Variants in FBXL18 observed in about 807,000 individuals in gnomAD.
The protein encoded by FBXL18 is F-box and leucine rich repeat protein 18, also known as F-box/LRR-repeat protein 18.
A neutral mutation model predicts 46.0 loss-of-function variants in FBXL18; 36 were observed. The ratio of observed to expected loss-of-function variants is 0.78; its 90% CI spans 0.60 to 1.03. FBXL18 has a LOEUF of 1.03. FBXL18 is among the 50% of genes least tolerant of loss of function. The pLI, the probability that FBXL18 is intolerant of heterozygous loss-of-function variation, is 0.00. For missense variants in FBXL18, 977 were observed against 1,004.1 expected, an observed-to-expected ratio of 0.97 and a Z score of 0.36; for synonymous variants, 557 against 465.3, an observed-to-expected ratio of 1.20 and a Z score of -2.54.
intron 4 of FBXL18, among the ~76,000 whole-genome samples, chr7:5,486,269 ATG>A (rs1308857863): frequency 2.3e-4 from 33 of 145,356 alleles, no homozygotes; most frequent in Admixed American, 4.1e-4. Context: ...AAAAAAAAAA[ATG>A]AGCTGGTTGT....
intron 4 of FBXL18, among the ~76,000 whole-genome samples, chr7:5,465,879 A>T (rs551561743): frequency 1.3e-5 from 2 of 151,136 alleles, no homozygotes; most frequent in South Asian, 2.1e-4. Flanking sequence ...GTGCAGGGGC[A>T]CAATCTCAGC....
chr7:5,510,186 C>T (rs970172347), intron 1 of FBXL18, among the ~76,000 whole-genome samples: 25 of 150,610 alleles, frequency 1.7e-4, no homozygotes, highest in Admixed American at 6.7e-5. Context: ...CCTGTAATGC[C>T]ATCTACTCAG....
intron 3 of FBXL18, among the ~76,000 whole-genome samples, chr7:5,498,066 CT>C (rs1364085018): frequency 6.7e-6 from 1 of 150,350 alleles, no homozygotes; most frequent in Non-Finnish European, 1.5e-5. Flanking sequence ...AATTTTTTTT[CT>C]TTTTTCTTTT....
chr7:5,481,959 T>G (rs754365342), intron 4 of FBXL18, 28 bp from the exon 5 acceptor site: 1 of 1,577,586 alleles, frequency 6.3e-7, no homozygotes, highest in Non-Finnish European at 8.6e-7. Flanking sequence ...GGTCAGCGGA[T>G]TACATGGGTG....
At chr7:5,508,062 TC>T (rs1784436530) in intron 1 of FBXL18, among the ~76,000 whole-genome samples, 2 of 152,048 alleles carry the variant, frequency 1.3e-5, no homozygotes, top group South Asian at 4.1e-4. Flanking sequence ...AAGTCAGTTC[TC>T]GAGACTAGCC....
chr7:5,505,584 A>G lies in FBXL18; in HGVS notation c.65T>C (p.Met22Thr), dbSNP rs200975940. 42 of 1,613,946 alleles carry G rather than the reference A, an allele frequency of 2.6e-5. No individual in the cohort carries two copies. The highest frequency in any genetic ancestry group is 3.3e-5 in the Non-Finnish European group (39 of 1,179,988). ...CCCTAGGAGGTGGACCCCGTCTGCC[A>G]TCCCGGCTGCTGCAGGGTGCATGTC... ...DDDMHPAAAG[M>T]ADGVHLLGFS... The change falls in exon 2 of 5, where the codon ATG becomes ACG. Residue 22 changes from methionine (M) to threonine (T), a missense_variant. Met to Thr is a moderately conservative substitution (Grantham distance 81). Transcript: ENST00000382368.
chr7:5,490,725 G>GT (rs1468784772), intron 4 of FBXL18, among the ~76,000 whole-genome samples: 5 of 152,218 alleles, frequency 3.3e-5, no homozygotes, highest in African/African-American at 1.2e-4. Flanking sequence ...AGCACTTTGG[G>GT]AGGCCGAGGC....
intron 1 of FBXL18, among the ~76,000 whole-genome samples, chr7:5,510,477 T>C (rs1185532177): frequency 2.0e-5 from 3 of 151,026 alleles, no homozygotes; most frequent in Non-Finnish European, 3.0e-5. Context: ...AGGTCAGGAG[T>C]TCGAGACCAG....
At position 5,496,412 on chromosome 7, in the gene FBXL18, C is replaced by T. The variant is rs1784083026; in HGVS notation, c.1781+4076G>A. Reference sequence around the variant, plus strand: ...TCGGTCTCCCTTCCACATTCTTCTTCCTCTTCCTGGCCAATCCTTGTCACG... The same window carrying T: ...TCGGTCTCCCTTCCACATTCTTCTTTCTCTTCCTGGCCAATCCTTGTCACG... On this transcript the variant is annotated intron_variant, in intron 3 of 4. Coordinates refer to ENST00000382368, the MANE Select transcript of FBXL18 (RefSeq NM_024963.6). The surrounding 1 kb of genome is among the most constrained non-coding windows in gnomAD (Gnocchi z 4.8). Among the ~76,000 whole-genome samples the T allele has an allele frequency of 1.3e-5, 2 of 152,210 alleles. No homozygotes were observed. The highest frequency in any genetic ancestry group is 4.1e-4 in the South Asian group (2 of 4,832).
Position 5,502,050 on chromosome 7 carries a change from G to C in FBXL18, c.238-19C>G. 1.3e-6 allele frequency: 2 copies of C among 1,539,406 alleles called. No individual in the cohort carries two copies. Among genetic ancestry groups the C allele is most frequent in the Non-Finnish European group, 1.8e-6 (2 of 1,138,482 alleles). Reference sequence around the variant, plus strand: ...CGCTCGCCTGCGGGACAGAGGCAGGGTGGGGAGAGGAAGGAAAGGGCTGAA... The same window carrying C: ...CGCTCGCCTGCGGGACAGAGGCAGGCTGGGGAGAGGAAGGAAAGGGCTGAA... On this transcript the variant is annotated intron_variant, in intron 2 of 4. Coordinates refer to ENST00000382368, the MANE Select transcript of FBXL18 (RefSeq NM_024963.6).
chr7:5,455,350 C>T lies in FBXL18; in HGVS notation c.2001-7507G>A, dbSNP rs568531535. ...GGAGCACTCAGGGCACATACTTGAA[C>T]ATTCTCAGGCCACATACTTGGGGAG... On this transcript the variant is annotated intron_variant and NMD_transcript_variant, in intron 4 of 6. Transcript: ENST00000415009. The surrounding 1 kb of genome is among the most constrained non-coding windows in gnomAD (Gnocchi z 4.6). 1.3e-5 allele frequency among the ~76,000 whole-genome samples: 2 copies of T among 152,068 alleles called. No homozygotes were observed. Among genetic ancestry groups the T allele is most frequent in the South Asian group, 2.1e-4 (1 of 4,808 alleles).
intron 2 of FBXL18, 131 bp downstream of exon 2, chr7:5,505,281 C>G: frequency 1.2e-6 from 1 of 801,450 alleles, no homozygotes; most frequent in South Asian, 1.7e-5. Context: ...ATCCTGCAGA[C>G]GGCGCCAGTC....
intron 4 of FBXL18, among the ~76,000 whole-genome samples, chr7:5,485,679 G>A (rs911467837): frequency 4.6e-5 from 7 of 152,070 alleles, no homozygotes; most frequent in African/African-American, 7.2e-5. Context: ...AGGCCGAGGC[G>A]GGCAGATCAT....
At chr7:5,508,793 C>G (rs1784457162) in intron 1 of FBXL18, among the ~76,000 whole-genome samples, 1 of 152,072 alleles carries the variant, frequency 6.6e-6, no homozygotes, top group Non-Finnish European at 1.5e-5. Context: ...AAGGAATGAA[C>G]TGTACCCCTC....
At chr7:5,464,297 G>A (rs1014573782) in intron 4 of FBXL18, among the ~76,000 whole-genome samples, 3 of 151,972 alleles carry the variant, frequency 2.0e-5, no homozygotes, top group African/African-American at 7.2e-5. Flanking sequence ...TGGTCAACAT[G>A]ACAAAACCCT....
intron 4 of FBXL18, among the ~76,000 whole-genome samples, chr7:5,460,599 A>G (rs116513141): frequency 0.012 from 1,763 of 152,298 alleles, 12 homozygotes; most frequent in South Asian, 0.02. Context: ...GGTTACCGGC[A>G]TGTGCCACGA....
Position 5,480,527 on chromosome 7 carries a change from A to AATATATATATATATATAT in FBXL18, c.*1230_*1247dup, listed in dbSNP as rs770993214. The AATATATATATATATATAT allele has an allele frequency of 3.2e-4, 22 of 68,084 alleles. No homozygotes were observed. Among genetic ancestry groups the AATATATATATATATATAT allele is most frequent in the African/African-American group, 1.4e-3 (21 of 15,502 alleles). 4.2% of individuals were successfully genotyped at this position (68,084 alleles called of 1,614,324 possible). On this transcript the variant is annotated 3_prime_UTR_variant, in exon 5 of 5. Coordinates refer to ENST00000382368, the MANE Select transcript of FBXL18 (RefSeq NM_024963.6). ...CAAGTGATCCTCCCAAAGTGTGTTG[A>AATATATATATATATATAT]ATATATATATATATATATATATTTT...
At position 5,509,244 on chromosome 7, in the gene FBXL18, C is replaced by G. The variant is rs1051385955; in HGVS notation, c.19-3614G>C. On this transcript the variant is annotated intron_variant, in intron 1 of 4. Transcript: ENST00000382368. ...CATATAGATTCCACAGTTACACGAC[C>G]ACACTGAATTTTTCTTAAAACCTCA... 2.0e-5 allele frequency among the ~76,000 whole-genome samples: 3 copies of G among 149,818 alleles called. No homozygotes were observed. In the Admixed American group the frequency reaches 2.0e-4, roughly 10 times the overall value.
chr7:5,501,106 A>C lies in FBXL18; in HGVS notation c.1163T>G (p.Leu388Arg). The stretch of plus-strand genomic sequence containing the variant: ...GTGGTGGTGGGCGGCCGAGAGGTTC[A>C]GGTGGCGCAGGTTGCAGCAGGACGC... ...LVASCCNLRH[L>R]NLSAAHHHSS... is the part of the protein sequence containing the mutation. The change falls in exon 3 of 5, where the codon CTG becomes CGG. Residue 388 changes from leucine to arginine, a missense_variant. Coordinates refer to ENST00000382368, the MANE Select transcript of FBXL18 (RefSeq NM_024963.6). The C allele has an allele frequency of 6.2e-7, 1 of 1,612,754 alleles. No homozygotes were observed. The highest frequency in any genetic ancestry group is 8.5e-7 in the Non-Finnish European group (1 of 1,179,778).
Sources: gnomAD v4.1 joint callset for allele counts (sites outside exome capture counted in the v4.1 genomes callset) on GRCh38, gnomAD v4.1.1 for gene constraint, Gnocchi (gnomAD v3.1) non-coding constraint, MANE v1.5 for transcripts, NCBI Gene and HGNC (gene_info 2026-07-23, HGNC 2026-07-21) for gene names.